Variants in MICU1 observed in about 807,000 individuals in gnomAD.
MICU1 encodes the protein calcium uptake protein 1, mitochondrial.
A neutral mutation model predicts 56.8 loss-of-function variants in MICU1; 45 were observed. The ratio of observed to expected loss-of-function variants is 0.79; its 90% CI spans 0.62 to 1.02. The LOEUF (loss-of-function observed/expected upper bound fraction) is 1.02, where lower values mean the gene tolerates loss of function less well. Ranked by LOEUF, MICU1 falls within the 50% of genes least tolerant of loss-of-function variation. The pLI is 0.00. For missense variants in MICU1, 504 were observed against 587.1 expected (o/e 0.86, Z 1.46); for synonymous variants, 186 against 195.1 (o/e 0.95, Z 0.39).
intron 3 of MICU1, among the ~76,000 whole-genome samples, chr10:72,554,731 T>A (rs780981916): frequency 2.3e-4 from 35 of 152,102 alleles, no homozygotes; most frequent in Non-Finnish European, 4.4e-4. Flanking sequence ...AATACAGACA[T>A]TGGCCAGGCG....
chr10:72,430,583 T>C (rs1342269855), intron 8 of MICU1, among the ~76,000 whole-genome samples: 2 of 150,468 alleles, frequency 1.3e-5, no homozygotes, highest in African/African-American at 4.9e-5. Flanking sequence ...ATTTTTTAGA[T>C]AGGGTCTCGC....
At chr10:72,506,528 T>A (rs1867257435) in intron 6 of MICU1, among the ~76,000 whole-genome samples, 1 of 152,204 alleles carries the variant, frequency 6.6e-6, no homozygotes, top group Non-Finnish European at 1.5e-5. Flanking sequence ...TTGGGTCATT[T>A]TTTAAAAAAG....
chr10:72,480,717 C>T (rs1866268201), intron 6 of MICU1, among the ~76,000 whole-genome samples: 2 of 152,358 alleles, frequency 1.3e-5, no homozygotes, highest in East Asian at 3.9e-4. Context: ...TCCCCATTCC[C>T]TCTCTCCACA....
chr10:72,565,939 T>C (rs1010745472), intron 2 of MICU1, among the ~76,000 whole-genome samples: 1 of 151,484 alleles, frequency 6.6e-6, no homozygotes, highest in Non-Finnish European at 1.5e-5. Context: ...GAAGTTTCCA[T>C]AACTAGTGAA....
chr10:72,462,394 A>G (rs146608865), intron 8 of MICU1, among the ~76,000 whole-genome samples: 1 of 152,142 alleles, frequency 6.6e-6, no homozygotes, highest in African/African-American at 2.4e-5. Context: ...CTGAAACATC[A>G]TCATAAGTCA....
intron 3 of MICU1, among the ~76,000 whole-genome samples, chr10:72,553,618 G>A (rs1840091105): frequency 6.6e-6 from 1 of 152,076 alleles, no homozygotes; most frequent in Non-Finnish European, 1.5e-5. Context: ...AATGTTTGGG[G>A]TATATGAGCA....
chr10:72,385,470 A>G (rs1862855448), intron 10 of MICU1, among the ~76,000 whole-genome samples: 2 of 152,172 alleles, frequency 1.3e-5, no homozygotes, highest in Admixed American at 6.5e-5. Context: ...AGCCTAGGTG[A>G]CAGAGCAAGA....
In MICU1 at chr10:72,373,540, T is replaced by C. The variant is rs114622416; in HGVS notation, c.1270+2243A>G. 3.9e-3 allele frequency among the ~76,000 whole-genome samples: 589 copies of C among 152,284 alleles called. 3 individuals carry two copies. Among genetic ancestry groups the C allele is most frequent in the African/African-American group, 0.013 (523 of 41,558 alleles). Reference sequence around the variant, plus strand: ...AATAACAACGGCTTTTTGTTAAGTATACTTTTTCTTTCTAGATTAAGAAAA... The same window carrying C: ...AATAACAACGGCTTTTTGTTAAGTACACTTTTTCTTTCTAGATTAAGAAAA... On this transcript the variant is annotated intron_variant, in intron 11 of 11. Coordinates refer to ENST00000361114, the MANE Select transcript of MICU1 (RefSeq NM_001195518.2).
intron 1 of MICU1, among the ~76,000 whole-genome samples, chr10:72,591,400 A>C (rs1167733562): frequency 6.6e-6 from 1 of 152,144 alleles, no homozygotes; most frequent in Non-Finnish European, 1.5e-5. Context: ...TGAATGAAAA[A>C]GAGAAAAAAA....
intron 1 of MICU1, among the ~76,000 whole-genome samples, chr10:72,597,700 T>C (rs1254709938): frequency 2.0e-5 from 3 of 152,206 alleles, no homozygotes; most frequent in Non-Finnish European, 4.4e-5. Context: ...CTTATACATA[T>C]AGCCTGAAGG....
In MICU1 at chr10:72,368,197, A is replaced by C; in HGVS notation, c.1429T>G (p.Ter477GluextTer65). 1 of 1,611,654 alleles carries C rather than the reference A, an allele frequency of 6.2e-7. No individual in the cohort carries two copies. The highest frequency in any genetic ancestry group is 8.5e-7 in the Non-Finnish European group (1 of 1,178,840). ...TAWDFALPKQ[*>E] Reference sequence around the variant, plus strand: ...GGGTCCCCTCTTGCAGTGTGGGGTTACTGTTTGGGTAAAGCGAAGTCCCAG... The same window carrying C: ...GGGTCCCCTCTTGCAGTGTGGGGTTCCTGTTTGGGTAAAGCGAAGTCCCAG... Residue 477 changes from the stop codon to glutamate, a stop_lost, in exon 12 of 12, where the codon TAA (stop) becomes GAA (glutamate). Transcript: ENST00000361114.
At chr10:72,408,124 C>G in intron 9 of MICU1, 87 bp from the exon 10 acceptor site, 1 of 754,166 alleles carries the variant, frequency 1.3e-6, no homozygotes, top group East Asian at 2.5e-5. Flanking sequence ...ATCTGCAAAT[C>G]AGAAATTCAT....
chr10:72,385,500 CCAAA>C (rs1478877949), intron 10 of MICU1, among the ~76,000 whole-genome samples: 2 of 151,858 alleles, frequency 1.3e-5, no homozygotes, highest in African/African-American at 2.4e-5. Flanking sequence ...AAAAAACCAA[CCAAA>C]CAAACAAAAA....
chr10:72,622,222 C>T (rs1187325318), intron 1 of MICU1, among the ~76,000 whole-genome samples: 2 of 148,150 alleles, frequency 1.3e-5, no homozygotes, highest in African/African-American at 2.5e-5. Context: ...CGCGCCCGGC[C>T]CCAAGTTCTC....
intron 1 of MICU1, among the ~76,000 whole-genome samples, chr10:72,585,492 C>T (rs758610231): frequency 2.6e-5 from 4 of 151,780 alleles, no homozygotes; most frequent in Non-Finnish European, 5.9e-5. Context: ...GTCAGGAGCT[C>T]GACACCAGCC....
At chr10:72,386,243 G>A (rs1223869277) in intron 10 of MICU1, among the ~76,000 whole-genome samples, 1 of 152,028 alleles carries the variant, frequency 6.6e-6, no homozygotes, top group Non-Finnish European at 1.5e-5. Flanking sequence ...GTACAGTGGC[G>A]TGATCTTGGC....
intron 6 of MICU1, among the ~76,000 whole-genome samples, chr10:72,497,801 C>A (rs1249677410): frequency 2.6e-5 from 4 of 152,150 alleles, no homozygotes; most frequent in Non-Finnish European, 4.4e-5. Flanking sequence ...TAGATGGGTG[C>A]CTGGGTCTCC....
At chr10:72,560,948 CAT>C (rs1840281008) in intron 3 of MICU1, among the ~76,000 whole-genome samples, 1 of 151,834 alleles carries the variant, frequency 6.6e-6, no homozygotes, top group Non-Finnish European at 1.5e-5. Flanking sequence ...AAATTCTTAA[CAT>C]GTCTATATAG....
chr10:72,615,927 G>A (rs1050640881), intron 1 of MICU1, among the ~76,000 whole-genome samples: 1 of 152,024 alleles, frequency 6.6e-6, no homozygotes, highest in Non-Finnish European at 1.5e-5. Flanking sequence ...AGGCGGAGCT[G>A]GCAGTGAGCC....
Sources: allele counts gnomAD v4.1 joint callset (sites outside exome capture counted in the v4.1 genomes callset), GRCh38; gene constraint gnomAD v4.1.1; transcripts MANE v1.5; gene names NCBI Gene and HGNC (gene_info 2026-07-23, HGNC 2026-07-21).